RSPH14: variants seen among roughly 807,000 people sequenced by gnomAD.
RSPH14 encodes rhabdoid tumor deletion region gene 1.
RSPH14 carries 20 observed loss-of-function variants against 26.7 expected under a neutral mutation model. The ratio of observed to expected loss-of-function variants is 0.75; its 90% confidence interval spans 0.53 to 1.09. The LOEUF is 1.09. Ranked by LOEUF, RSPH14 falls within the 50% of genes least tolerant of loss-of-function variation. The pLI is 0.00. For synonymous variants in RSPH14, 177 were observed against 189.3 expected (o/e 0.93, Z 0.53); for missense variants, 449 against 457.2 (o/e 0.98, Z 0.16).
chr22:23,179,063 G>T, the RSPH14 span, among the ~76,000 whole-genome samples: 1 of 152,244 alleles, frequency 6.6e-6, no homozygotes, highest in African/African-American at 2.4e-5. Context: ...CACTGCTGAG[G>T]TCACACAGCC....
At chr22:23,101,579 G>A (rs1569176522) in intron 4 of RSPH14, among the ~76,000 whole-genome samples, 1 of 152,206 alleles carries the variant, frequency 6.6e-6, no homozygotes, top group Admixed American at 6.5e-5. Context: ...TTCCTGACCT[G>A]GTCAAGGGCA....
the RSPH14 span, among the ~76,000 whole-genome samples, chr22:23,157,319 C>T: frequency 6.6e-5 from 10 of 151,748 alleles, no homozygotes; most frequent in African/African-American, 2.4e-4. Context: ...GGCGCAATCT[C>T]GGCTCACTGC....
Position 23,138,891 on chromosome 22 carries a change from C to G in RSPH14, c.251G>C (p.Arg84Pro). The G allele has an allele frequency of 3.2e-6, 5 of 1,550,730 alleles. No homozygotes were observed. Among genetic ancestry groups the G allele is most frequent in the Non-Finnish European group, 4.4e-6 (5 of 1,147,230 alleles). ...ALLKDSNSMV[R>P]IKTTEVLHIT... ...GTGGAGCACCTCGGTGGTCTTTATG[C>G]GCACCATACTGTTGCTATCCTTCAG... is the stretch of plus-strand genomic sequence containing the variant. Residue 84 changes from arginine to proline, a missense_variant, in exon 3 of 7, where the codon CGC becomes CCC. Transcript: ENST00000216036.
chr22:23,162,315 C>CAGTG, the RSPH14 span: 1 of 284,290 alleles, frequency 3.5e-6, no homozygotes, highest in Non-Finnish European at 7.0e-6. Flanking sequence ...CCCACCTGGA[C>CAGTG]AGTGCATTTA....
chr22:23,140,586 G>A, intron 1 of RSPH14, 114 bp from the exon 2 acceptor site: 1 of 1,224,734 alleles, frequency 8.2e-7, no homozygotes. Flanking sequence ...TCATTTTACA[G>A]ATGAGCAAAC....
chr22:23,143,712 A>G (rs1170280628), upstream of RSPH14, among the ~76,000 whole-genome samples: 2 of 152,200 alleles, frequency 1.3e-5, no homozygotes, highest in African/African-American at 2.4e-5. Flanking sequence ...TGTAAAACTA[A>G]TAACACTTGT....
chr22:23,079,230 G>A (rs557122373), intron 4 of RSPH14, among the ~76,000 whole-genome samples: 64 of 152,372 alleles, frequency 4.2e-4, no homozygotes, highest in Admixed American at 7.8e-4. Flanking sequence ...CACGTGGTGT[G>A]GCTGTGTGCG....
At chr22:23,097,857 T>A (rs1285477970) in intron 4 of RSPH14, among the ~76,000 whole-genome samples, 1 of 152,216 alleles carries the variant, frequency 6.6e-6, no homozygotes, top group Non-Finnish European at 1.5e-5. Flanking sequence ...CACACGGGCT[T>A]GCGCCACTGG....
chr22:23,087,391 G>A (rs2068849065), intron 4 of RSPH14, among the ~76,000 whole-genome samples: 1 of 152,304 alleles, frequency 6.6e-6, no homozygotes, highest in African/African-American at 2.4e-5. Context: ...TTGAGCCCGG[G>A]GGGTTGAGGC....
At chr22:23,174,990 T>TA in the RSPH14 span, among the ~76,000 whole-genome samples, 537 of 144,934 alleles carry the variant, frequency 3.7e-3, 3 homozygotes, top group Middle Eastern at 0.011. Flanking sequence ...AAAAAGATTG[T>TA]AAAAAAAAAA....
intron 4 of RSPH14, among the ~76,000 whole-genome samples, chr22:23,077,088 C>T (rs982250399): frequency 6.6e-6 from 1 of 152,072 alleles, no homozygotes; most frequent in East Asian, 1.9e-4. Flanking sequence ...GAGTCATGGT[C>T]GATTAGTGAT....
chr22:23,152,531 A>G, the RSPH14 span: 1 of 1,613,978 alleles, frequency 6.2e-7, no homozygotes, highest in Non-Finnish European at 8.5e-7. Flanking sequence ...CCACAGGTAC[A>G]AGGCTTCCTC....
At chr22:23,059,758 G>A in intron 6 of RSPH14, 40 bp from the exon 7 acceptor site, 3 of 1,494,060 alleles carry the variant, frequency 2.0e-6, no homozygotes, top group Non-Finnish European at 2.7e-6. Flanking sequence ...ACAGCCCAAG[G>A]GGCCCTCTTC....
intron 4 of RSPH14, chr22:23,095,561 G>C (rs548005504): frequency 8.4e-6 from 8 of 951,430 alleles, no homozygotes; most frequent in Admixed American, 5.8e-5. Context: ...AGTGTGGCTC[G>C]GCCTCACCCC....
chr22:23,134,773 C>A (rs920925654), intron 3 of RSPH14, among the ~76,000 whole-genome samples: 17 of 151,902 alleles, frequency 1.1e-4, no homozygotes, highest in Non-Finnish European at 1.8e-4. Context: ...GGCTGAGGCA[C>A]AAGATCACTT....
At chr22:23,176,935 G>A in the RSPH14 span, among the ~76,000 whole-genome samples, 2 of 152,248 alleles carry the variant, frequency 1.3e-5, no homozygotes, top group African/African-American at 4.8e-5. Flanking sequence ...CAGATGCTCA[G>A]TAATCACACG....
chr22:23,171,367 A>C, the RSPH14 span, among the ~76,000 whole-genome samples: 3 of 152,096 alleles, frequency 2.0e-5, no homozygotes, highest in Admixed American at 2.0e-4. Context: ...CTTAGTGCAG[A>C]CACCTGACAG....
At chr22:23,095,381 A>T (rs1426849917) in intron 4 of RSPH14, 2 of 337,600 alleles carry the variant, frequency 5.9e-6, no homozygotes, top group Non-Finnish European at 1.1e-5. Context: ...CAGCCGAGGC[A>T]AACACAAGCG....
intron 4 of RSPH14, chr22:23,124,638 C>G (rs937578269): frequency 8.1e-5 from 18 of 222,122 alleles, no homozygotes; most frequent in African/African-American, 4.0e-4. Flanking sequence ...GGAAGGGGAG[C>G]AAGGGGTGGT....
Sources: allele counts gnomAD v4.1 joint callset (sites outside exome capture counted in the v4.1 genomes callset), GRCh38; gene constraint gnomAD v4.1.1; transcripts MANE v1.5; gene names NCBI Gene and HGNC (gene_info 2026-07-23, HGNC 2026-07-21).